The following PIEZO1 variants were observed in gnomAD, a reference collection of about 807,000 sequenced individuals.
PIEZO1 encodes the protein piezo type mechanosensitive ion channel component 1 (Er blood group).
In PIEZO1, 296 loss-of-function variants were observed where a neutral mutation model predicts 297.2. The ratio of observed to expected loss-of-function variants is 1.00; its 90% CI spans 0.91 to 1.10. The LOEUF is 1.10. Among genes scored for constraint, PIEZO1 ranks in the 50% least tolerant of loss-of-function variants. PIEZO1 has a pLI of 0.00. For missense variants in PIEZO1, 5,018 were observed against 3,455.5 expected, an observed-to-expected ratio of 1.45 and a Z score of -11.34; for synonymous variants, 2,427 against 1,507.5, an observed-to-expected ratio of 1.61 and a Z score of -14.13.
Position 88,720,239 on chromosome 16 carries a change from G to A in PIEZO1, c.5994C>T (p.Asp1998=). 6.4e-7 allele frequency: 1 copy of A among 1,550,530 alleles called. No homozygotes were observed. The highest frequency in any genetic ancestry group is 8.7e-7 in the Non-Finnish European group (1 of 1,146,986). ...ATDITSSLSD[D]QVPEAFLVML... is the part of the protein sequence containing the mutation. Reference sequence around the variant, plus strand: ...TGACCAGGAAAGCCTCGGGTACCTGGTCGTCTGATAGGGAGGACGTGATGT... The same window carrying A: ...TGACCAGGAAAGCCTCGGGTACCTGATCGTCTGATAGGGAGGACGTGATGT... The change falls in exon 42 of 51, where the codon GAC becomes GAT. Residue 1998 remains aspartate, a synonymous_variant. Coordinates refer to ENST00000301015, the MANE Select transcript of PIEZO1 (RefSeq NM_001142864.4).
At chr16:88,762,016 G>A (rs910840740) in intron 1 of PIEZO1, among the ~76,000 whole-genome samples, 17 of 152,226 alleles carry the variant, frequency 1.1e-4, no homozygotes, top group African/African-American at 3.4e-4. Context: ...GGAAACCAGG[G>A]CTTATCTGGG....
At chr16:88,730,901 G>C (rs938839175) in intron 22 of PIEZO1, among the ~76,000 whole-genome samples, 1 of 152,224 alleles carries the variant, frequency 6.6e-6, no homozygotes, top group African/African-American at 2.4e-5. Flanking sequence ...ACAGCAGAGA[G>C]AAAGTCTGTT....
At chr16:88,771,290 G>C (rs1374209387) in intron 1 of PIEZO1, among the ~76,000 whole-genome samples, 1 of 152,114 alleles carries the variant, frequency 6.6e-6, no homozygotes, top group Non-Finnish European at 1.5e-5. Flanking sequence ...GGCTCAGAGA[G>C]GCTGAGAGAT....
At chr16:88,742,444 A>G in intron 2 of PIEZO1, 22 bp from the exon 3 acceptor site, 2 of 1,532,964 alleles carry the variant, frequency 1.3e-6, no homozygotes, top group Non-Finnish European at 1.7e-6. Flanking sequence ...CGAGTGGGTG[A>G]GGCTGGTCCC....
At chr16:88,733,809 A>T (rs1332287680) in intron 17 of PIEZO1, 64 bp from the exon 18 acceptor site, 16 of 1,471,758 alleles carry the variant, frequency 1.1e-5, no homozygotes, top group Non-Finnish European at 1.4e-5. Flanking sequence ...TGTGAGGAAG[A>T]GGCTCTGGAG....
At chr16:88,732,240 G>A in intron 21 of PIEZO1, 95 bp downstream of exon 21, 1 of 1,133,584 alleles carries the variant, frequency 8.8e-7, no homozygotes, top group African/African-American at 1.5e-5. Flanking sequence ...GGCAAACCCA[G>A]GTGGGGCCAG....
chr16:88,727,170 G>T lies in PIEZO1; in HGVS notation c.3324C>A (p.Cys1108Ter). 6.5e-7 allele frequency: 1 copy of T among 1,544,296 alleles called. No individual in the cohort carries two copies. Among genetic ancestry groups the T allele is most frequent in the Non-Finnish European group, 8.7e-7 (1 of 1,143,182 alleles). Residue 1108 changes from cysteine to a stop codon, truncating the protein, a stop_gained, in exon 24 of 51, where the codon TGC becomes TGA. Coordinates refer to ENST00000301015, the MANE Select transcript of PIEZO1 (RefSeq NM_001142864.4). LOFTEE classifies it high-confidence loss of function. ...AGAACACCTGCCACTGCTGGGAGGCGCACAGCAGCAGGAGAAAGTCGCCTG... is the reference window on the plus strand; with the variant it reads ...AGAACACCTGCCACTGCTGGGAGGCTCACAGCAGCAGGAGAAAGTCGCCTG... Reference protein sequence around the residue: ...NLISDFLLLLCASQQWQVFSA... With the variant: ...NLISDFLLLL
chr16:88,717,471 G>A (rs879190783), intron 44 of PIEZO1: 89 of 600,182 alleles, frequency 1.5e-4, no homozygotes, highest in East Asian at 3.8e-4. Flanking sequence ...TCAACACGGT[G>A]CAGGCACCGC....
chr16:88,733,309 T>C lies in PIEZO1; in HGVS notation c.2633A>G (p.Asn878Ser), dbSNP rs1287720648. 5 of 1,547,838 alleles carry C rather than the reference T, an allele frequency of 3.2e-6. No homozygotes were observed. The highest frequency in any genetic ancestry group is 2.7e-5 in the African/African-American group (2 of 72,940). ...GCAGTTGCTGGAATACTCCTGGGGG[T>C]TGACAACCTTGAGCTGGTACAGCAT... ...CKMLYQLKVVNPQEYSSNCTE... is the reference protein window; with the variant it reads ...CKMLYQLKVVSPQEYSSNCTE... Residue 878 changes from asparagine (N) to serine (S), a missense_variant, in exon 19 of 51, where the codon AAC becomes AGC. Physicochemically the swap from Asn to Ser is conservative, Grantham distance 46. Transcript: ENST00000301015.
At position 88,737,596 on chromosome 16, in the gene PIEZO1, G is replaced by T. The variant is rs534085974; in HGVS notation, c.1158C>A (p.His386Gln). 2 of 1,534,574 alleles carry T rather than the reference G, an allele frequency of 1.3e-6. No individual in the cohort carries two copies. The highest frequency in any genetic ancestry group is 2.0e-5 in the Admixed American group (1 of 50,978). The change falls in exon 10 of 51, where the codon CAC (histidine) becomes CAA (glutamine). Residue 386 changes from histidine to glutamine, a missense_variant. Coordinates refer to ENST00000301015, the MANE Select transcript of PIEZO1 (RefSeq NM_001142864.4). The stretch of plus-strand genomic sequence containing the variant: ...GGACGGAGCTCTGGCCGGTCAGCTC[G>T]TGCACGATGCAGTTATCAGCCTCGG... The part of the protein sequence containing the change: ...PDTEADNCIV[H>Q]ELTGQSSVLR...
intron 5 of PIEZO1, 138 bp downstream of exon 5, chr16:88,741,340 C>T (rs1597464455): frequency 1.2e-6 from 1 of 800,344 alleles, no homozygotes; most frequent in East Asian, 2.8e-5. Flanking sequence ...GGATTTGGAA[C>T]TTCCTCCTCT....
rs950000135 is a variant in PIEZO1, at chr16:88,737,779, C to T, written c.1056G>A (p.Glu352=). Residue 352 remains glutamate (E), a synonymous_variant, in exon 9 of 51, where the codon GAG becomes GAA. Coordinates refer to ENST00000301015, the MANE Select transcript of PIEZO1 (RefSeq NM_001142864.4). The part of the protein sequence containing the change: ...KEAAKGYEAR[E]LELAELDQWP... The stretch of plus-strand genomic sequence containing the variant: ...ACTGGTCCAGCTCTGCTAGCTCCAG[C>T]TCCCGAGCCTCATACCCCTTTGCCG... The T allele has an allele frequency of 3.3e-6, 5 of 1,535,674 alleles. No individual in the cohort carries two copies. The African/African-American group carries it at 5.5e-5, about 17-fold the overall frequency.
intron 27 of PIEZO1, 152 bp downstream of exon 27, chr16:88,726,132 G>T: frequency 1.6e-6 from 1 of 643,296 alleles, no homozygotes; most frequent in Non-Finnish European, 2.7e-6. Flanking sequence ...GGGATCTGCC[G>T]GCCTTCATTC....
In PIEZO1 at chr16:88,736,649, A is replaced by G. The variant is rs1385112235; in HGVS notation, c.1286T>C (p.Ile429Thr). The G allele has an allele frequency of 6.5e-6, 10 of 1,528,114 alleles. No individual in the cohort carries two copies. The East Asian group carries it at 1.2e-4, about 19-fold the overall frequency. 94.7% of individuals were successfully genotyped at this position (1,528,114 alleles called of 1,614,324 possible). A position where few individuals can be genotyped will look rare whatever the true frequency, so the allele number is the denominator to read the frequency against. ...IMDQSYVCAL[I>T]AMMVWSITYH... Reference sequence around the variant, plus strand: ...CCCACAGCCGCCTACCATCATGGCAATGAGCGCGCACACATAGCTCTGGTC... The same window carrying G: ...CCCACAGCCGCCTACCATCATGGCAGTGAGCGCGCACACATAGCTCTGGTC... Residue 429 changes from isoleucine to threonine, a missense_variant, in exon 11 of 51, where the codon ATT (isoleucine) becomes ACT (threonine). Coordinates refer to ENST00000301015, the MANE Select transcript of PIEZO1 (RefSeq NM_001142864.4).
At chr16:88,719,296 G>A in intron 44 of PIEZO1, 1 of 431,014 alleles carries the variant, frequency 2.3e-6, no homozygotes, top group Non-Finnish European at 4.2e-6. Context: ...AGCAAACAGT[G>A]GCTGTCCGGT....
chr16:88,741,629 G>C lies in PIEZO1; in HGVS notation c.327-13C>G, dbSNP rs574221907. 6.5e-7 allele frequency: 1 copy of C among 1,533,034 alleles called. No homozygotes were observed. The highest frequency in any genetic ancestry group is 1.4e-5 in the African/African-American group (1 of 72,926). 95.0% of individuals were successfully genotyped at this position (1,533,034 alleles called of 1,614,324 possible). A position where few individuals can be genotyped will look rare whatever the true frequency, so the allele number is the denominator to read the frequency against. On this transcript the variant is annotated splice_polypyrimidine_tract_variant and intron_variant, in intron 4 of 50. Transcript: ENST00000301015. ...CTTCAGGTCCAGCCTGCGGAGAGCA[G>C]GGAGCAGCCGCGGTCAGACCAAGAG... is the stretch of plus-strand genomic sequence containing the variant.
intron 2 of PIEZO1, among the ~76,000 whole-genome samples, 190 bp downstream of exon 2, chr16:88,749,194 C>G (rs189318261): frequency 2.0e-5 from 3 of 149,268 alleles, no homozygotes; most frequent in Admixed American, 6.6e-5. Flanking sequence ...GAGCAGAGAT[C>G]GCGCCACTGC....
intron 27 of PIEZO1, 27 bp downstream of exon 27, chr16:88,726,257 C>G (rs1286920043): frequency 6.5e-7 from 1 of 1,532,846 alleles, no homozygotes; most frequent in Non-Finnish European, 8.8e-7. Flanking sequence ...GACGGGAGCT[C>G]TGGGCTGTGT....
intron 31 of PIEZO1, among the ~76,000 whole-genome samples, 178 bp downstream of exon 31, chr16:88,723,693 C>T (rs779165613): frequency 1.3e-5 from 2 of 152,260 alleles, no homozygotes; most frequent in South Asian, 2.1e-4. Context: ...TGACCCATGT[C>T]CCTGTAGCCT....
Sources: gnomAD v4.1 joint callset for allele counts (sites outside exome capture counted in the v4.1 genomes callset) on GRCh38, gnomAD v4.1.1 for gene constraint, MANE v1.5 for transcripts, NCBI Gene and HGNC (gene_info 2026-07-23, HGNC 2026-07-21) for gene names.